PPHLN1: variants seen among roughly 807,000 people sequenced by gnomAD.
PPHLN1 encodes the protein periphilin-1.
A neutral mutation model predicts 51.3 loss-of-function variants in PPHLN1; 29 were observed. The observed-to-expected ratio is 0.57, with a 90% CI of 0.42 to 0.77. PPHLN1 has a LOEUF of 0.77. Ranked by LOEUF, PPHLN1 falls within the 30% of genes least tolerant of loss-of-function variation. PPHLN1 has a pLI of 0.00. For missense variants in PPHLN1, 436 were observed against 438.4 expected (o/e 0.99, Z 0.05); for synonymous variants, 147 against 147.8 (o/e 0.99, Z 0.04).
At chr12:42,389,114 C>T (rs561796957) in intron 7 of PPHLN1, among the ~76,000 whole-genome samples, 6 of 151,428 alleles carry the variant, frequency 4.0e-5, no homozygotes, top group South Asian at 2.1e-4. Flanking sequence ...GGCTCATGTC[C>T]GTAATCCTAG....
chr12:42,327,297 T>G lies in PPHLN1; in HGVS notation c.-21+1068T>G, dbSNP rs150092568. 3.2e-3 allele frequency among the ~76,000 whole-genome samples: 484 copies of G among 152,326 alleles called. 1 individual carries two copies. The highest frequency in any genetic ancestry group is 0.011 in the African/African-American group (451 of 41,582). On this transcript the variant is annotated intron_variant, in intron 1 of 9. Transcript: ENST00000358314. ...TAAACTATTTTACATATTCAACTTC[T>G]TTAGTGAAATTCTCCTTCATCTCCT...
intron 9 of PPHLN1, among the ~76,000 whole-genome samples, chr12:42,438,473 T>C (rs961366983): frequency 6.6e-6 from 1 of 152,258 alleles, no homozygotes; most frequent in African/African-American, 2.4e-5. Context: ...TTCAGTTTCC[T>C]AATAACAAAT....
chr12:42,421,331 A>G (rs1227612469), intron 9 of PPHLN1, among the ~76,000 whole-genome samples: 1 of 151,680 alleles, frequency 6.6e-6, no homozygotes, highest in Non-Finnish European at 1.5e-5. Flanking sequence ...TGTGAAAACT[A>G]TCTTTATTTT....
At chr12:42,428,136 A>T (rs1236040164) in intron 9 of PPHLN1, among the ~76,000 whole-genome samples, 1 of 152,222 alleles carries the variant, frequency 6.6e-6, no homozygotes, top group Admixed American at 6.5e-5. Flanking sequence ...TGTGGTGAAG[A>T]GGGAACACTT....
chr12:42,442,722 G>A, downstream of PPHLN1: 1 of 1,613,864 alleles, frequency 6.2e-7, no homozygotes, highest in Non-Finnish European at 8.5e-7. Context: ...GAAAACGAAG[G>A]CGAAGAGACT....
At chr12:42,439,383 TCA>T (rs2082744956) in intron 9 of PPHLN1, among the ~76,000 whole-genome samples, 1 of 152,260 alleles carries the variant, frequency 6.6e-6, no homozygotes, top group Admixed American at 6.5e-5. Flanking sequence ...TTTTAAAAGA[TCA>T]GTTCACTGTA....
chr12:42,355,324 T>G, intron 4 of PPHLN1, 102 bp downstream of exon 4: 1 of 1,042,940 alleles, frequency 9.6e-7, no homozygotes, highest in Non-Finnish European at 1.5e-6. Flanking sequence ...AATATTTTAC[T>G]GGGATTTTAA....
chr12:42,424,894 A>G (rs535858136), intron 9 of PPHLN1, among the ~76,000 whole-genome samples: 7 of 136,722 alleles, frequency 5.1e-5, no homozygotes, highest in Admixed American at 3.8e-4. Flanking sequence ...ACAGAAAACA[A>G]AAAGAAAAAA....
At chr12:42,348,818 G>GT (rs35380616) in intron 2 of PPHLN1, among the ~76,000 whole-genome samples, 2,646 of 140,426 alleles carry the variant, frequency 0.019, 41 homozygotes, top group Middle Eastern at 0.053. Flanking sequence ...CTTAATGTCA[G>GT]TTTTTTTTTT....
chr12:42,349,166 G>A (rs1439174947), intron 2 of PPHLN1, among the ~76,000 whole-genome samples: 1 of 152,186 alleles, frequency 6.6e-6, no homozygotes, highest in East Asian at 1.9e-4. Context: ...TAAGGAAACA[G>A]TTTGAGATAC....
chr12:42,397,197 C>T (rs1200168892), intron 8 of PPHLN1, among the ~76,000 whole-genome samples: 1 of 152,164 alleles, frequency 6.6e-6, no homozygotes, highest in Non-Finnish European at 1.5e-5. Context: ...TCTTCCATGG[C>T]TCTCTTTCAA....
At chr12:42,345,598 T>A (rs1452701389) in intron 2 of PPHLN1, among the ~76,000 whole-genome samples, 1 of 150,868 alleles carries the variant, frequency 6.6e-6, no homozygotes. Flanking sequence ...GATACTTATA[T>A]AATCATTAAT....
At chr12:42,345,669 G>GA (rs1158282042) in intron 2 of PPHLN1, among the ~76,000 whole-genome samples, 4 of 151,026 alleles carry the variant, frequency 2.6e-5, no homozygotes, top group Admixed American at 2.6e-4. Context: ...TAGAAGCAGT[G>GA]AAAATTGATA....
intron 9 of PPHLN1, among the ~76,000 whole-genome samples, chr12:42,434,786 CG>C (rs2082338197): frequency 6.6e-6 from 1 of 152,202 alleles, no homozygotes; most frequent in African/African-American, 2.4e-5. Context: ...CTTGGTCTCC[CG>C]GGTTGAAGCA....
rs758526340 is a variant in PPHLN1, at chr12:42,441,397, A to G, written c.992A>G (p.Gln331Arg). Residue 331 changes from glutamine to arginine, a missense_variant, in exon 10 of 10, where the codon CAG (glutamine) becomes CGG (arginine). By Grantham distance (43) the Gln-to-Arg change is conservative. Transcript: ENST00000358314. ...EKDPSLEKSI[Q>R]FALRQNLHEI... is the part of the protein sequence containing the mutation. ...GATCCTTCATTAGAAAAGTCTATAC[A>G]GTTTGCATTGAGGCAGAATTTACAT... 4 of 1,614,018 alleles carry G rather than the reference A, an allele frequency of 2.5e-6. No homozygotes were observed. Among genetic ancestry groups the G allele is most frequent in the Admixed American group, 3.3e-5 (2 of 60,008 alleles).
chr12:42,388,558 G>T (rs958560490), intron 7 of PPHLN1, among the ~76,000 whole-genome samples: 7 of 152,174 alleles, frequency 4.6e-5, no homozygotes, highest in Admixed American at 3.9e-4. Context: ...TCAGAGACCG[G>T]TGCTGGTGCA....
intron 7 of PPHLN1, among the ~76,000 whole-genome samples, chr12:42,391,480 G>A (rs909846335): frequency 6.6e-6 from 1 of 152,082 alleles, no homozygotes; most frequent in South Asian, 2.1e-4. Context: ...CTGACCTCAG[G>A]TGATCCGCCC....
intron 4 of PPHLN1, among the ~76,000 whole-genome samples, chr12:42,362,580 G>C (rs533800364): frequency 5.9e-5 from 9 of 152,232 alleles, no homozygotes; most frequent in African/African-American, 2.2e-4. Flanking sequence ...CAAGGAGCAC[G>C]GGCCTTCTAT....
At chr12:42,446,116 G>GCTCGTC, downstream of PPHLN1, 1 of 1,559,568 alleles carries the variant, frequency 6.4e-7, no homozygotes. Flanking sequence ...GGAAGAAACG[G>GCTCGTC]GTTCGTCGGA....
Sources: gnomAD v4.1 joint callset for allele counts (sites outside exome capture counted in the v4.1 genomes callset) on GRCh38, gnomAD v4.1.1 for gene constraint, MANE v1.5 for transcripts, NCBI Gene and HGNC (gene_info 2026-07-23, HGNC 2026-07-21) for gene names.